Variants in RAPGEF1 observed in about 807,000 individuals in gnomAD.
The protein encoded by RAPGEF1 is CRK SH3-binding GNRP.
Under a neutral mutation model 143.3 loss-of-function variants are expected in RAPGEF1, and 33 were observed. The ratio of observed to expected loss-of-function variants is 0.23; its 90% CI spans 0.17 to 0.31. RAPGEF1 has a LOEUF of 0.31. Ranked by LOEUF, RAPGEF1 falls within the 10% of genes least tolerant of loss-of-function variation. RAPGEF1 has a pLI of 1.00. For synonymous variants in RAPGEF1, 629 were observed against 676.5 expected, an observed-to-expected ratio of 0.93 and a Z score of 1.09; for missense variants, 1,199 against 1,645.4, an observed-to-expected ratio of 0.73 and a Z score of 4.69.
At chr9:131,643,094 G>C in intron 4 of RAPGEF1, 145 bp downstream of exon 4, 2 of 875,348 alleles carry the variant, frequency 2.3e-6, no homozygotes, top group African/African-American at 1.7e-5. Flanking sequence ...ATAGTTGTGG[G>C]GGGAGTGGTC....
intron 4 of RAPGEF1, among the ~76,000 whole-genome samples, chr9:131,640,615 A>G (rs1170119290): frequency 6.6e-6 from 1 of 152,106 alleles, no homozygotes; most frequent in Admixed American, 6.5e-5. Context: ...TCGCTCTCAC[A>G]TGGGCCTCTG....
chr9:131,710,278 CA>C (rs1190327451), intron 1 of RAPGEF1, among the ~76,000 whole-genome samples: 1 of 152,064 alleles, frequency 6.6e-6, no homozygotes, highest in Non-Finnish European at 1.5e-5. Context: ...CAAAACGAAA[CA>C]AAACATCAAA....
chr9:131,612,006 A>G (rs995203915), intron 12 of RAPGEF1, among the ~76,000 whole-genome samples: 4 of 152,170 alleles, frequency 2.6e-5, no homozygotes, highest in African/African-American at 9.7e-5. Context: ...CTCCATCTCT[A>G]GAACTGCAGT....
At chr9:131,592,467 C>T (rs1954486965) in intron 17 of RAPGEF1, among the ~76,000 whole-genome samples, 1 of 152,186 alleles carries the variant, frequency 6.6e-6, no homozygotes, top group South Asian at 2.1e-4. Context: ...GATGATGGTG[C>T]TGCCTGGAGA....
intron 1 of RAPGEF1, among the ~76,000 whole-genome samples, chr9:131,673,729 G>A (rs1430957581): frequency 2.0e-5 from 3 of 152,178 alleles, no homozygotes; most frequent in Admixed American, 2.0e-4. Flanking sequence ...GAAAGGAGGG[G>A]CCAGGAGAAA....
intron 1 of RAPGEF1, among the ~76,000 whole-genome samples, chr9:131,715,474 C>T (rs1835795327): frequency 6.6e-6 from 1 of 152,022 alleles, no homozygotes; most frequent in African/African-American, 2.4e-5. Context: ...GTCTCATGGG[C>T]TTTGGGGGTT....
At chr9:131,642,271 C>T (rs961310929) in intron 4 of RAPGEF1, among the ~76,000 whole-genome samples, 1 of 152,194 alleles carries the variant, frequency 6.6e-6, no homozygotes, top group Non-Finnish European at 1.5e-5. Context: ...TCCCCTGCAG[C>T]GAGTGCTTGT....
At chr9:131,588,073 G>A (rs746840650) in intron 20 of RAPGEF1, 47 bp from the exon 21 acceptor site, 10 of 1,516,266 alleles carry the variant, frequency 6.6e-6, no homozygotes, top group East Asian at 4.6e-5. Context: ...GGGGAGGCCG[G>A]TGGGGAGGGC....
At chr9:131,647,185 T>C (rs764052339) in intron 3 of RAPGEF1, among the ~76,000 whole-genome samples, 4 of 152,260 alleles carry the variant, frequency 2.6e-5, no homozygotes, top group Admixed American at 2.6e-4. Flanking sequence ...CAATGTACTT[T>C]GAATTTTTAA....
At chr9:131,627,623 A>G (rs951268244) in intron 9 of RAPGEF1, among the ~76,000 whole-genome samples, 1 of 152,124 alleles carries the variant, frequency 6.6e-6, no homozygotes. Flanking sequence ...AATGGCTCTT[A>G]ATTTTGGTAA....
At chr9:131,587,030 AC>A in intron 22 of RAPGEF1, among the ~76,000 whole-genome samples, 1 of 127,666 alleles carries the variant, frequency 7.8e-6, no homozygotes, top group East Asian at 2.2e-4. Context: ...ACACACACAC[AC>A]ACACACACCC....
At position 131,621,892 on chromosome 9, in the gene RAPGEF1, G is replaced by T; in HGVS notation, c.1809C>A (p.Leu603=). 1 of 1,613,584 alleles carries T rather than the reference G, an allele frequency of 6.2e-7. No homozygotes were observed. Among genetic ancestry groups the T allele is most frequent in the South Asian group, 1.1e-5 (1 of 90,974 alleles). The change falls in exon 11 of 27, where the codon CTC becomes CTA. Residue 603 remains leucine (L), a synonymous_variant. Coordinates refer to ENST00000683357, the MANE Select transcript of RAPGEF1 (RefSeq NM_001377935.1). This position sits in a 1 kb window ranked among gnomAD's most constrained non-coding sequence, Gnocchi z 4.5. ...AGTCGCTGAAGCCGTATACCTCCAT[G>T]AGGAGCTTGTTCTTCTGCTGGTAGA... ...EHIYQQKNKL[L]MEVYGFSDSF...
chr9:131,585,970 G>A (rs1272425925), intron 22 of RAPGEF1, among the ~76,000 whole-genome samples: 2 of 152,144 alleles, frequency 1.3e-5, no homozygotes, highest in Non-Finnish European at 2.9e-5. Flanking sequence ...ACGAGGCCAG[G>A]AGGTTGAGAC....
intron 1 of RAPGEF1, among the ~76,000 whole-genome samples, chr9:131,674,234 T>G (rs1388236912): frequency 1.3e-5 from 2 of 152,190 alleles, no homozygotes; most frequent in Admixed American, 1.3e-4. Flanking sequence ...AACAAAAATA[T>G]TAGCACAGAA....
intron 11 of RAPGEF1, among the ~76,000 whole-genome samples, chr9:131,619,896 C>T (rs1468719477): frequency 6.6e-6 from 1 of 152,144 alleles, no homozygotes; most frequent in Non-Finnish European, 1.5e-5. Context: ...GGTGGTATGC[C>T]TGGGCTGTCA....
Position 131,660,862 on chromosome 9 carries a change from T to C in RAPGEF1, c.62-9913A>G, listed in dbSNP as rs144491899. ...GGTTAAGATCTGACAGAACCACCCT[T>C]TTCATTTTACTTGCATAACTGGTAA... On this transcript the variant is annotated intron_variant, in intron 1 of 26. Transcript: ENST00000683357. Among the ~76,000 whole-genome samples, 423 of 152,350 alleles carry C rather than the reference T, an allele frequency of 2.8e-3. 3 individuals are homozygous for C. The highest frequency in any genetic ancestry group is 9.7e-3 in the African/African-American group (405 of 41,574).
At chr9:131,733,227 C>T (rs993828919) in intron 1 of RAPGEF1, among the ~76,000 whole-genome samples, 7 of 152,042 alleles carry the variant, frequency 4.6e-5, no homozygotes, top group Non-Finnish European at 1.0e-4. Flanking sequence ...CCTGCAGTCA[C>T]GCATGCGGGG....
chr9:131,586,309 AACACAC>A (rs574969723), intron 22 of RAPGEF1, among the ~76,000 whole-genome samples: 2 of 45,570 alleles, frequency 4.4e-5, no homozygotes, highest in African/African-American at 8.0e-5. Flanking sequence ...CTCCGTCTCA[AACACAC>A]ACACACACAC....
intron 17 of RAPGEF1, among the ~76,000 whole-genome samples, chr9:131,594,809 C>T (rs948208215): frequency 6.6e-6 from 1 of 152,220 alleles, no homozygotes. Flanking sequence ...GTCTCAGGGA[C>T]CCCTCCAGCC....
Sources: allele counts gnomAD v4.1 joint callset (sites outside exome capture counted in the v4.1 genomes callset), GRCh38; gene constraint gnomAD v4.1.1; non-coding constraint Gnocchi (gnomAD v3.1); transcripts MANE v1.5; gene names NCBI Gene and HGNC (gene_info 2026-07-23, HGNC 2026-07-21).